Variants in SLC22A23 observed in about 807,000 individuals in gnomAD.
SLC22A23 encodes solute carrier family 22 member 23.
SLC22A23 carries 26 observed loss-of-function variants against 61.0 expected under a neutral mutation model. That is an observed-to-expected ratio of 0.43 (90% confidence interval 0.31 to 0.59). The LOEUF (loss-of-function observed/expected upper bound fraction) is 0.59, where lower values mean the gene tolerates loss of function less well. SLC22A23 is among the 20% of genes least tolerant of loss of function. SLC22A23 has a pLI of 0.11. For missense variants in SLC22A23, 796 were observed against 934.7 expected (o/e 0.85, Z 1.94); for synonymous variants, 430 against 413.9 (o/e 1.04, Z -0.47).
Position 3,456,788 on chromosome 6 carries a change from G to A in SLC22A23, c.-229C>T, listed in dbSNP as rs1300268790. The A allele has an allele frequency of 6.6e-6, 1 of 151,390 alleles. No homozygotes were observed. Among genetic ancestry groups the A allele is most frequent in the African/African-American group, 2.4e-5 (1 of 40,848 alleles). 9.4% of individuals were successfully genotyped at this position (151,390 alleles called of 1,614,324 possible). ...CCCGCTCGGGCGCCGGGCAGAGGCGGGCAGAGGCCGGCCGGGCCCTCAGCC... is the reference window on the plus strand; with the variant it reads ...CCCGCTCGGGCGCCGGGCAGAGGCGAGCAGAGGCCGGCCGGGCCCTCAGCC... On this transcript the variant is annotated 5_prime_UTR_variant, in exon 1 of 10. Transcript: ENST00000406686. This position sits in a 1 kb window ranked among gnomAD's most constrained non-coding sequence, Gnocchi z 7.1.
chr6:3,418,685 C>T (rs1236681569), intron 1 of SLC22A23, among the ~76,000 whole-genome samples: 1 of 152,210 alleles, frequency 6.6e-6, no homozygotes, highest in Non-Finnish European at 1.5e-5. Context: ...CCACCTGCTA[C>T]CTTAAACCCT....
chr6:3,340,947 C>G (rs1561909980), intron 3 of SLC22A23, among the ~76,000 whole-genome samples: 1 of 152,256 alleles, frequency 6.6e-6, no homozygotes, highest in South Asian at 2.1e-4. Flanking sequence ...GGGCCGGTCT[C>G]TCATGTTACA....
At chr6:3,275,039 G>GAACC (rs976527043) in intron 9 of SLC22A23, among the ~76,000 whole-genome samples, 2 of 151,694 alleles carry the variant, frequency 1.3e-5, no homozygotes, top group African/African-American at 4.8e-5. Context: ...AACAATTTTG[G>GAACC]AAAAGAACAA....
Position 3,273,321 on chromosome 6 carries a change from G to C in SLC22A23, c.1795C>G (p.Leu599Val). 2 of 1,614,134 alleles carry C rather than the reference G, an allele frequency of 1.2e-6. No homozygotes were observed. Among genetic ancestry groups the C allele is most frequent in the African/African-American group, 2.7e-5 (2 of 75,080 alleles). ...IELHNQKGYFLHHIIFACCTL... is the reference protein window; with the variant it reads ...IELHNQKGYFVHHIIFACCTL... Reference sequence around the variant, plus strand: ...CAGCAGGCAAAGATGATGTGGTGCAGGAAGTAGCCTTTCTGGTTGTGCAGC... The same window carrying C: ...CAGCAGGCAAAGATGATGTGGTGCACGAAGTAGCCTTTCTGGTTGTGCAGC... The change falls in exon 10 of 10, where the codon CTG becomes GTG. Residue 599 changes from leucine to valine, a missense_variant. Physicochemically the swap from Leu to Val is conservative, Grantham distance 32. Coordinates refer to ENST00000406686, the MANE Select transcript of SLC22A23 (RefSeq NM_015482.2).
At chr6:3,356,006 T>C (rs1305278005) in intron 3 of SLC22A23, among the ~76,000 whole-genome samples, 1 of 29,994 alleles carries the variant, frequency 3.3e-5, no homozygotes, top group Non-Finnish European at 5.8e-5. Flanking sequence ...ACGAAACTCA[T>C]GAGGATGAAA....
intron 3 of SLC22A23, among the ~76,000 whole-genome samples, chr6:3,367,802 T>C (rs573632357): frequency 2.0e-5 from 3 of 152,202 alleles, no homozygotes; most frequent in Admixed American, 1.3e-4. Flanking sequence ...CCTCCATCAA[T>C]GCACCCAGTG....
At chr6:3,412,207 C>T (rs1041906785) in intron 2 of SLC22A23, among the ~76,000 whole-genome samples, 8 of 152,170 alleles carry the variant, frequency 5.3e-5, no homozygotes, top group African/African-American at 1.4e-4. Flanking sequence ...AAAAGATGTT[C>T]GATTTTTTTA....
At chr6:3,303,700 G>A (rs1761777243) in intron 4 of SLC22A23, among the ~76,000 whole-genome samples, 1 of 152,168 alleles carries the variant, frequency 6.6e-6, no homozygotes, top group Admixed American at 6.5e-5. Context: ...GCTAGGAAGG[G>A]TAGGGGGAAG....
At position 3,324,799 on chromosome 6, in the gene SLC22A23, C is replaced by T. The variant is rs1763182140; in HGVS notation, c.914-797G>A. Among the ~76,000 whole-genome samples the T allele has an allele frequency of 6.6e-6, 1 of 152,196 alleles. No individual in the cohort carries two copies. Among genetic ancestry groups the T allele is most frequent in the African/African-American group, 2.4e-5 (1 of 41,452 alleles). ...GTAGCTCCAAAACCAAAAACAGTGT[C>T]TATTTTCAACAAATGACCACGGCCC... On this transcript the variant is annotated intron_variant, in intron 3 of 9. Transcript: ENST00000406686. This position sits in a 1 kb window ranked among gnomAD's most constrained non-coding sequence, Gnocchi z 4.3.
chr6:3,365,654 C>G (rs1765761327), intron 3 of SLC22A23, among the ~76,000 whole-genome samples: 1 of 152,090 alleles, frequency 6.6e-6, no homozygotes, highest in Admixed American at 6.6e-5. Context: ...TGGAAATGAT[C>G]CTCTTGGATT....
chr6:3,339,310 T>G (rs1236340577), intron 3 of SLC22A23, among the ~76,000 whole-genome samples: 1 of 152,080 alleles, frequency 6.6e-6, no homozygotes, highest in Non-Finnish European at 1.5e-5. Flanking sequence ...TTCAAAGACT[T>G]TGTCAAGCTT....
Position 3,456,504 on chromosome 6 carries a change from G to T in SLC22A23, c.56C>A (p.Ala19Asp), listed in dbSNP as rs1772418321. The T allele has an allele frequency of 3.0e-5, 31 of 1,036,410 alleles. No individual in the cohort carries two copies. Among genetic ancestry groups the T allele is most frequent in the Non-Finnish European group, 3.5e-5 (30 of 865,228 alleles). 64.2% of individuals were successfully genotyped at this position (1,036,410 alleles called of 1,614,324 possible). A position where few individuals can be genotyped will look rare whatever the true frequency, so the allele number is the denominator to read the frequency against. The change falls in exon 1 of 10, where the codon GCC becomes GAC. Residue 19 changes from alanine (A) to aspartate (D), a missense_variant. Ala to Asp is a moderately radical substitution (Grantham distance 126, BLOSUM62 -2). Transcript: ENST00000406686. The surrounding 1 kb of genome is among the most constrained non-coding windows in gnomAD (Gnocchi z 7.1). Reference protein sequence around the residue: ...AAGGGPGRQPAPAEENGSLPP... With the variant: ...AAGGGPGRQPDPAEENGSLPP... ...CAGGGAGCCGTTCTCCTCGGCCGGG[G>T]CCGGCTGCCGCCCAGGCCCGCCGCC...
In SLC22A23 at chr6:3,387,733, C is replaced by G. The variant is rs9405198; in HGVS notation, c.913+22455G>C. ...TAACTGTACTGCTTTTGCCACTCCT[C>G]TACTTTAAAATGTTTTTAAAATATG... On this transcript the variant is annotated intron_variant, in intron 3 of 9. Transcript: ENST00000406686. The surrounding 1 kb of genome is among the most constrained non-coding windows in gnomAD (Gnocchi z 5.0). Among the ~76,000 whole-genome samples, 50,721 of 152,098 alleles carry G rather than the reference C, an allele frequency of 0.33. 9,053 individuals carry two copies. The highest frequency in any genetic ancestry group is 0.53 in the East Asian group (2,744 of 5,174).
chr6:3,354,642 T>C (rs377512566), intron 3 of SLC22A23, among the ~76,000 whole-genome samples: 1 of 152,238 alleles, frequency 6.6e-6, no homozygotes, highest in Non-Finnish European at 1.5e-5. Context: ...AGTCTGTTTT[T>C]AGTTGATGTC....
In SLC22A23 at chr6:3,386,923, C is replaced by T. The variant is rs1221021425; in HGVS notation, c.913+23265G>A. Among the ~76,000 whole-genome samples the T allele has an allele frequency of 6.6e-6, 1 of 152,378 alleles. No individual in the cohort carries two copies. Among genetic ancestry groups the T allele is most frequent in the East Asian group, 1.9e-4 (1 of 5,182 alleles). On this transcript the variant is annotated intron_variant, in intron 3 of 9. Transcript: ENST00000406686. The surrounding 1 kb of genome is among the most constrained non-coding windows in gnomAD (Gnocchi z 4.4). ...GCAGGCCTTTCTCTGGTTCGTCACTCAGACCACCACTCCAGCCTTTGAAAT... is the reference window on the plus strand; with the variant it reads ...GCAGGCCTTTCTCTGGTTCGTCACTTAGACCACCACTCCAGCCTTTGAAAT...
Position 3,361,743 on chromosome 6 carries a change from T to C in SLC22A23, c.914-37741A>G, listed in dbSNP as rs558382656. On this transcript the variant is annotated intron_variant, in intron 3 of 9. Transcript: ENST00000406686. ...TGCGTCTGTTACCCAGTTGTCTTTT[T>C]GCTGAATCACATTGTGGGGGCAAGA... is the stretch of plus-strand genomic sequence containing the variant. 2.0e-5 allele frequency among the ~76,000 whole-genome samples: 3 copies of C among 152,350 alleles called. No individual in the cohort carries two copies. The South Asian group carries it at 6.2e-4, about 32-fold the overall frequency.
intron 2 of SLC22A23, among the ~76,000 whole-genome samples, chr6:3,412,045 G>A (rs1005895488): frequency 1.3e-5 from 2 of 152,170 alleles, no homozygotes; most frequent in African/African-American, 4.8e-5. Context: ...CCACATTGTG[G>A]AGTGTTGAGA....
chr6:3,326,296 G>A (rs1272520668), intron 3 of SLC22A23, among the ~76,000 whole-genome samples: 1 of 152,106 alleles, frequency 6.6e-6, no homozygotes, highest in Non-Finnish European at 1.5e-5. Context: ...ACAAGTGGTC[G>A]GCGTGGCCCC....
In SLC22A23 at chr6:3,327,516, C is replaced by T. The variant is rs1763351082; in HGVS notation, c.914-3514G>A. On this transcript the variant is annotated intron_variant, in intron 3 of 9. Coordinates refer to ENST00000406686, the MANE Select transcript of SLC22A23 (RefSeq NM_015482.2). The surrounding 1 kb of genome is among the most constrained non-coding windows in gnomAD (Gnocchi z 4.1). ...CTCAAGTGGCCAGCATGTAGCACTT[C>T]CACTGCTGTGGTTAAAAGCCTGGAC... 6.6e-6 allele frequency among the ~76,000 whole-genome samples: 1 copy of T among 152,222 alleles called. No homozygotes were observed. Among genetic ancestry groups the T allele is most frequent in the Non-Finnish European group, 1.5e-5 (1 of 68,036 alleles).
Sources: gnomAD v4.1 joint callset for allele counts (sites outside exome capture counted in the v4.1 genomes callset) on GRCh38, gnomAD v4.1.1 for gene constraint, Gnocchi (gnomAD v3.1) non-coding constraint, MANE v1.5 for transcripts, NCBI Gene and HGNC (gene_info 2026-07-23, HGNC 2026-07-21) for gene names.